Variants in CPHXL2 observed in about 807,000 individuals in gnomAD.
CPHXL2 encodes the protein cytoplasmic polyadenylated homeobox like 2.
the CPHXL2 span, among the ~76,000 whole-genome samples, chr16:75,667,681 A>T: frequency 6.6e-6 from 1 of 152,250 alleles, no homozygotes; most frequent in African/African-American, 2.4e-5. Context: ...CATTATTCAT[A>T]AACAGGCAAT....
the CPHXL2 span, among the ~76,000 whole-genome samples, chr16:75,663,035 C>G: frequency 6.6e-6 from 1 of 152,170 alleles, no homozygotes; most frequent in African/African-American, 2.4e-5. Flanking sequence ...CTCCTGACCT[C>G]ATGATCCGCC....
At chr16:75,671,930 T>A in the CPHXL2 span, among the ~76,000 whole-genome samples, 1 of 151,934 alleles carries the variant, frequency 6.6e-6, no homozygotes, top group Non-Finnish European at 1.5e-5. Context: ...AGGGCAAAGA[T>A]GTGGCTAGAA....
the CPHXL2 span, among the ~76,000 whole-genome samples, chr16:75,676,592 G>A: frequency 6.6e-6 from 1 of 152,180 alleles, no homozygotes; most frequent in Admixed American, 6.5e-5. Flanking sequence ...AAAGTGTTGG[G>A]ATTACAGGCA....
At chr16:75,675,279 C>G in the CPHXL2 span, among the ~76,000 whole-genome samples, 1 of 151,136 alleles carries the variant, frequency 6.6e-6, no homozygotes, top group African/African-American at 2.4e-5. Context: ...CTTGGCCTCC[C>G]AAAGTGCTGG....
chr16:75,674,918 C>T, the CPHXL2 span, among the ~76,000 whole-genome samples: 5 of 152,054 alleles, frequency 3.3e-5, no homozygotes, highest in Middle Eastern at 6.8e-3. Flanking sequence ...CCACCGGGTG[C>T]GGTGGCTCAC....
At chr16:75,668,620 T>A in the CPHXL2 span, among the ~76,000 whole-genome samples, 1 of 152,238 alleles carries the variant, frequency 6.6e-6, no homozygotes, top group Non-Finnish European at 1.5e-5. Context: ...TACATAAAAC[T>A]GTGTAGAATT....
At chr16:75,663,234 G>T in the CPHXL2 span, among the ~76,000 whole-genome samples, 1 of 152,074 alleles carries the variant, frequency 6.6e-6, no homozygotes. Flanking sequence ...GAGCACTGAA[G>T]CTACAAGGAT....
chr16:75,669,430 C>T, the CPHXL2 span: 1 of 400,712 alleles, frequency 2.5e-6, no homozygotes, highest in Non-Finnish European at 4.4e-6. Flanking sequence ...ATCAGGATAA[C>T]CGTTCTCTCC....
chr16:75,662,615 C>G, the CPHXL2 span, among the ~76,000 whole-genome samples: 2 of 151,918 alleles, frequency 1.3e-5, no homozygotes, highest in African/African-American at 4.8e-5. Context: ...AGCAGAAGAC[C>G]AAATATATAT....
the CPHXL2 span, chr16:75,676,986 C>A: frequency 2.5e-6 from 1 of 398,424 alleles, no homozygotes; most frequent in African/African-American, 2.1e-5. Flanking sequence ...AAGGCACTCA[C>A]CTTGGGAAGA....
the CPHXL2 span, among the ~76,000 whole-genome samples, chr16:75,664,572 G>A: frequency 1.4e-5 from 2 of 145,318 alleles, no homozygotes; most frequent in East Asian, 4.2e-4. Context: ...TTGCAGTGAG[G>A]TGAGATCGTG....
the CPHXL2 span, among the ~76,000 whole-genome samples, chr16:75,666,586 C>CT: frequency 3.9e-5 from 4 of 102,078 alleles, no homozygotes; most frequent in Admixed American, 1.4e-4. Context: ...CCAGCCTGGG[C>CT]AACAAGAGTG....
the CPHXL2 span, among the ~76,000 whole-genome samples, chr16:75,668,449 A>C: frequency 6.6e-6 from 1 of 152,024 alleles, no homozygotes. Flanking sequence ...GGCTGGTCTC[A>C]AACTCCTGAC....
chr16:75,669,106 G>T, the CPHXL2 span, among the ~76,000 whole-genome samples: 2 of 152,022 alleles, frequency 1.3e-5, no homozygotes, highest in Non-Finnish European at 2.9e-5. Context: ...CTTGACCCCA[G>T]GAGTTCGACA....
chr16:75,669,315 T>TA, the CPHXL2 span: 183,402 of 365,740 alleles, frequency 0.5, 31,290 homozygotes, highest in African/African-American at 0.82. Flanking sequence ...AGACCTTTCC[T>TA]AAAAAAAAAA....
At chr16:75,675,198 A>T in the CPHXL2 span, among the ~76,000 whole-genome samples, 1 of 150,526 alleles carries the variant, frequency 6.6e-6, no homozygotes, top group Non-Finnish European at 1.5e-5. Context: ...AAAGAAAAAA[A>T]AAAAAAAGAG....
chr16:75,661,119 G>A, the CPHXL2 span: 4 of 400,850 alleles, frequency 1.0e-5, no homozygotes, highest in Admixed American at 4.4e-5. Flanking sequence ...ATAGTTGGAA[G>A]CTGCAGCCTG....
At chr16:75,669,175 G>C in the CPHXL2 span, among the ~76,000 whole-genome samples, 2 of 152,050 alleles carry the variant, frequency 1.3e-5, no homozygotes, top group African/African-American at 4.8e-5. Flanking sequence ...GCCCAGTGTG[G>C]TGGTGGGAGC....
At chr16:75,667,913 C>T in the CPHXL2 span, among the ~76,000 whole-genome samples, 446 of 152,292 alleles carry the variant, frequency 2.9e-3, no homozygotes, top group African/African-American at 0.01. Context: ...TCCAAGTAAC[C>T]TTTGAGTCCA....
Sources: gnomAD v4.1 joint callset for allele counts (sites outside exome capture counted in the v4.1 genomes callset) on GRCh38, gnomAD v4.1.1 for gene constraint, MANE v1.5 for transcripts, NCBI Gene and HGNC (gene_info 2026-07-23, HGNC 2026-07-21) for gene names.